Variants in NELFCD observed in about 807,000 individuals in gnomAD.
NELFCD encodes the protein negative elongation factor C/D.
Under a neutral mutation model 72.9 loss-of-function variants are expected in NELFCD, and 48 were observed. The observed-to-expected ratio is 0.66, with a 90% CI of 0.52 to 0.84. The LOEUF (loss-of-function observed/expected upper bound fraction) is 0.84, where lower values mean the gene tolerates loss of function less well. NELFCD is among the 40% of genes least tolerant of loss of function. NELFCD has a pLI of 0.00. For synonymous variants in NELFCD, 297 were observed against 280.6 expected (o/e 1.06, Z -0.59); for missense variants, 538 against 723.8 (o/e 0.74, Z 2.94).
intron 14 of NELFCD, 43 bp from the exon 15 acceptor site, chr20:58,994,599 C>G (rs1396090858): frequency 1.6e-6 from 2 of 1,267,124 alleles, no homozygotes; most frequent in African/African-American, 1.5e-5. Context: ...ATGTCATGTT[C>G]TACTTCCTGT....
chr20:58,986,350 T>G lies in NELFCD; in HGVS notation c.176+142T>G. 1 of 530,542 alleles carries G rather than the reference T, an allele frequency of 1.9e-6. No individual in the cohort carries two copies. The highest frequency in any genetic ancestry group is 3.3e-6 in the Non-Finnish European group (1 of 301,716). 32.9% of individuals were successfully genotyped at this position (530,542 alleles called of 1,614,324 possible). On this transcript the variant is annotated intron_variant, in intron 2 of 14. Transcript: ENST00000652272. This position sits in a 1 kb window ranked among gnomAD's most constrained non-coding sequence, Gnocchi z 4.4. ...TCAAGGGGGGGTCCCCTCTGCCACT[T>G]TTTTTTTTTTTTTAAATTTTTTTAA...
intron 10 of NELFCD, among the ~76,000 whole-genome samples, 164 bp downstream of exon 10, chr20:58,992,184 G>A (rs1238850956): frequency 6.6e-6 from 1 of 152,130 alleles, no homozygotes; most frequent in Non-Finnish European, 1.5e-5. Context: ...AGCTTTAGCA[G>A]CATGAGTAAT....
rs960837972 is a variant in NELFCD at position 58,989,388 on chromosome 20, G to T, written c.505-100G>T. ...TGAAGGCCTGAGACCCACGACCAGC[G>T]CACACTTACTCCACCTCACCATGAA... On this transcript the variant is annotated intron_variant, in intron 5 of 14. Coordinates refer to ENST00000652272, the MANE Select transcript of NELFCD (RefSeq NM_198976.4). The T allele has an allele frequency of 5.7e-6, 8 of 1,400,366 alleles. No homozygotes were observed. In the South Asian group the frequency reaches 7.5e-5, roughly 13 times the overall value. The allele number at this position is 1,400,366 out of a possible 1,614,324, so 86.7% of individuals were successfully genotyped here. A position where few individuals can be genotyped will look rare whatever the true frequency, so the allele number is the denominator to read the frequency against.
rs2091830227 is a variant in NELFCD at position 58,993,183 on chromosome 20, T to C, written c.1344+71T>C. 2 of 1,151,702 alleles carry C rather than the reference T, an allele frequency of 1.7e-6. No individual in the cohort carries two copies. Among genetic ancestry groups the C allele is most frequent in the Non-Finnish European group, 2.6e-6 (2 of 760,584 alleles). 71.3% of individuals were successfully genotyped at this position (1,151,702 alleles called of 1,614,324 possible). A position where few individuals can be genotyped will look rare whatever the true frequency, so the allele number is the denominator to read the frequency against. ...ATGCTGTTTACGTTGGCATTAACATTGCATCTATTCAGTGAGTTTAGAGGA... is the reference window on the plus strand; with the variant it reads ...ATGCTGTTTACGTTGGCATTAACATCGCATCTATTCAGTGAGTTTAGAGGA... On this transcript the variant is annotated intron_variant, in intron 11 of 14. Coordinates refer to ENST00000652272, the MANE Select transcript of NELFCD (RefSeq NM_198976.4). This position sits in a 1 kb window ranked among gnomAD's most constrained non-coding sequence, Gnocchi z 5.0.
intron 1 of NELFCD, among the ~76,000 whole-genome samples, chr20:58,984,711 T>C (rs2091760394): frequency 6.6e-6 from 1 of 152,168 alleles, no homozygotes; most frequent in African/African-American, 2.4e-5. Flanking sequence ...GAATGGAATG[T>C]TGGATACCTG....
At chr20:58,982,140 ATTTTTTTTTTT>A (rs751696443) in intron 1 of NELFCD, among the ~76,000 whole-genome samples, 53 of 68,406 alleles carry the variant, frequency 7.7e-4, no homozygotes, top group African/African-American at 2.6e-3. Context: ...GGGAACTTGC[ATTTTTTTTTTT>A]TTTTTTTTTT....
Position 58,994,975 on chromosome 20 carries a change from G to A in NELFCD, c.*299G>A, listed in dbSNP as rs1219174086. ...CTCAGGACAGATCTGGCCGTCAGCC[G>A]CGGGCCGCTGGGAACTCCACTCGGG... is the stretch of plus-strand genomic sequence containing the variant. On this transcript the variant is annotated 3_prime_UTR_variant, in exon 15 of 15. Transcript: ENST00000652272. 1.5e-5 allele frequency: 5 copies of A among 323,926 alleles called. No individual in the cohort carries two copies. Among genetic ancestry groups the A allele is most frequent in the Non-Finnish European group, 2.2e-5 (4 of 178,108 alleles). The allele number at this position is 323,926 out of a possible 1,614,324, so 20.1% of individuals were successfully genotyped here. A position where few individuals can be genotyped will look rare whatever the true frequency, so the allele number is the denominator to read the frequency against.
At chr20:58,994,032 G>T (rs2091838175) in intron 13 of NELFCD, 78 bp from the exon 14 acceptor site, 3 of 1,550,796 alleles carry the variant, frequency 1.9e-6, no homozygotes, top group Admixed American at 3.5e-5. Context: ...TTTCCAAACT[G>T]ATGGCCATTT....
In NELFCD at chr20:58,991,457, T is replaced by C. The variant is rs2091816634; in HGVS notation, c.1089+11T>C. The C allele has an allele frequency of 1.2e-6, 2 of 1,613,502 alleles. No individual in the cohort carries two copies. The highest frequency in any genetic ancestry group is 1.7e-6 in the Non-Finnish European group (2 of 1,179,898). ...GAGACCTGGAAGAAGGTACCATCGG[T>C]TCTGGGAATTTGTGGATTTTTTAGG... is the stretch of plus-strand genomic sequence containing the variant. On this transcript the variant is annotated intron_variant, in intron 9 of 14. Transcript: ENST00000652272.
intron 7 of NELFCD, 27 bp downstream of exon 7, chr20:58,990,015 C>T: frequency 6.2e-7 from 1 of 1,607,600 alleles, no homozygotes; most frequent in Non-Finnish European, 8.5e-7. Context: ...CTGCTCAGCC[C>T]TTCCTTCCTA....
At chr20:58,987,685 T>C (rs2091782415) in intron 3 of NELFCD, 23 bp from the exon 4 acceptor site, 1 of 1,588,126 alleles carries the variant, frequency 6.3e-7, no homozygotes, top group East Asian at 2.2e-5. Context: ...TGCCATTGTC[T>C]AGTTGCTTTT....
chr20:58,988,890 T>A, intron 4 of NELFCD, 24 bp from the exon 5 acceptor site: 2 of 1,561,758 alleles, frequency 1.3e-6, no homozygotes. Flanking sequence ...CCTCCTATCT[T>A]GCTGTTTGTG....
intron 1 of NELFCD, among the ~76,000 whole-genome samples, chr20:58,985,258 A>T (rs940905699): frequency 1.3e-5 from 2 of 152,166 alleles, no homozygotes; most frequent in African/African-American, 4.8e-5. Context: ...TTGCCCCATT[A>T]TGTTAGAGTA....
At chr20:58,990,841 A>G (rs1358609153) in intron 7 of NELFCD, 69 bp from the exon 8 acceptor site, 1 of 1,337,004 alleles carries the variant, frequency 7.5e-7, no homozygotes, top group East Asian at 2.3e-5. Context: ...AAAGTATTAT[A>G]TGTGTAAAAA....
chr20:58,989,042 A>G, intron 5 of NELFCD, 21 bp downstream of exon 5: 1 of 1,523,104 alleles, frequency 6.6e-7, no homozygotes, highest in Non-Finnish European at 9.1e-7. Flanking sequence ...TTCTAGAGTT[A>G]AGGAGAAAAG....
At chr20:58,988,655 C>T (rs1289354919) in intron 4 of NELFCD, among the ~76,000 whole-genome samples, 2 of 152,100 alleles carry the variant, frequency 1.3e-5, no homozygotes, top group African/African-American at 2.4e-5. Flanking sequence ...ATGCGGTTCT[C>T]GGTGTCTCCT....
In NELFCD at chr20:58,991,976, C is replaced by T. The variant is rs983656088; in HGVS notation, c.1185C>T (p.Ala395=). The T allele has an allele frequency of 1.1e-5, 18 of 1,614,222 alleles. No homozygotes were observed. The highest frequency in any genetic ancestry group is 1.5e-5 in the Non-Finnish European group (18 of 1,180,026). ...HNLCCNENKG[A]SELVAELSTL... ...TGTGTTGCAACGAGAACAAAGGGGC[C>T]TCTGAACTAGTGGCAGAATTGAGCA... Residue 395 remains alanine (A), a synonymous_variant, in exon 10 of 15, where the codon GCC becomes GCT. Transcript: ENST00000652272.
In NELFCD at chr20:58,994,786, G is replaced by A. The variant is rs778478373; in HGVS notation, c.*110G>A. ...GGGCAGCGTCTTGAAAATGGGCACCGCTGGGAGGAGGTGGATGACTTCTTT... is the reference window on the plus strand; with the variant it reads ...GGGCAGCGTCTTGAAAATGGGCACCACTGGGAGGAGGTGGATGACTTCTTT... On this transcript the variant is annotated 3_prime_UTR_variant, in exon 15 of 15. Coordinates refer to ENST00000652272, the MANE Select transcript of NELFCD (RefSeq NM_198976.4). 87 of 859,140 alleles carry A rather than the reference G, an allele frequency of 1.0e-4. No homozygotes were observed. Among genetic ancestry groups the A allele is most frequent in the Middle Eastern group, 8.9e-4 (4 of 4,474 alleles). The allele number at this position is 859,140 out of a possible 1,614,324, so 53.2% of individuals were successfully genotyped here.
At chr20:58,989,255 G>A in intron 5 of NELFCD, 1 of 626,364 alleles carries the variant, frequency 1.6e-6, no homozygotes, top group Non-Finnish European at 2.8e-6. Context: ...TGTGGTTGGA[G>A]AGGAGCTTTA....
Sources: gnomAD v4.1 joint callset for allele counts (sites outside exome capture counted in the v4.1 genomes callset) on GRCh38, gnomAD v4.1.1 for gene constraint, Gnocchi (gnomAD v3.1) non-coding constraint, MANE v1.5 for transcripts, NCBI Gene and HGNC (gene_info 2026-07-23, HGNC 2026-07-21) for gene names.